The following ATP6V0A1 variants were observed in gnomAD, a reference collection of about 807,000 sequenced individuals.
The protein encoded by ATP6V0A1 is ATPase H+ transporting V0 subunit a1.
A neutral mutation model predicts 105.4 loss-of-function variants in ATP6V0A1; 43 were observed. The ratio of observed to expected loss-of-function variants is 0.41; its 90% CI spans 0.32 to 0.53. ATP6V0A1 has a LOEUF of 0.53. Among genes scored for constraint, ATP6V0A1 ranks in the 20% least tolerant of loss-of-function variants. ATP6V0A1 has a pLI of 0.30. For missense variants in ATP6V0A1, 676 were observed against 1,051.1 expected, an observed-to-expected ratio of 0.64 and a Z score of 4.93; for synonymous variants, 362 against 372.8, an observed-to-expected ratio of 0.97 and a Z score of 0.33.
intron 3 of ATP6V0A1, among the ~76,000 whole-genome samples, chr17:42,466,885 C>A (rs757341190): frequency 8.2e-4 from 125 of 152,298 alleles, no homozygotes; most frequent in South Asian, 1.4e-3. Context: ...CGGTGGCTCA[C>A]ACCTGTAATC....
chr17:42,512,521 C>T (rs2092395543), intron 19 of ATP6V0A1, among the ~76,000 whole-genome samples: 2 of 152,134 alleles, frequency 1.3e-5, no homozygotes, highest in Admixed American at 1.3e-4. Flanking sequence ...CTAGGATTAC[C>T]CTAGTTTTCA....
At chr17:42,517,920 A>G (rs2092695846) in intron 21 of ATP6V0A1, 1 of 152,268 alleles carries the variant, frequency 6.6e-6, no homozygotes, top group African/African-American at 2.4e-5. Flanking sequence ...TCGATAACAT[A>G]TAAACCACTA....
Position 42,460,828 on chromosome 17 carries a change from T to A in ATP6V0A1, c.-47-20T>A. ...CCTCGTGGTAATTTCCAAAGTTATG[T>A]CATTTTCTCTTTGCTTCAGGTTGGA... is the stretch of plus-strand genomic sequence containing the variant. On this transcript the variant is annotated intron_variant, in intron 1 of 21. Coordinates refer to ENST00000343619, the MANE Select transcript of ATP6V0A1 (RefSeq NM_001130021.3). 1 of 1,328,562 alleles carries A rather than the reference T, an allele frequency of 7.5e-7. No individual in the cohort carries two copies. The highest frequency in any genetic ancestry group is 1.1e-6 in the Non-Finnish European group (1 of 924,272). The allele number at this position is 1,328,562 out of a possible 1,614,324, so 82.3% of individuals were successfully genotyped here.
chr17:42,481,789 C>G (rs1278589042), intron 8 of ATP6V0A1, among the ~76,000 whole-genome samples: 2 of 152,206 alleles, frequency 1.3e-5, no homozygotes, highest in African/African-American at 2.4e-5. Flanking sequence ...GACAGTGAGT[C>G]TCCATACTTA....
chr17:42,470,338 C>G (rs1036669068), intron 5 of ATP6V0A1, 120 bp downstream of exon 5: 2 of 1,244,716 alleles, frequency 1.6e-6, no homozygotes, highest in African/African-American at 1.5e-5. Flanking sequence ...CATTTTTGCA[C>G]CCTGTTTTAG....
At chr17:42,508,476 A>C (rs1313071348) in intron 18 of ATP6V0A1, 96 bp from the exon 19 acceptor site, 9 of 1,510,982 alleles carry the variant, frequency 6.0e-6, no homozygotes, top group Non-Finnish European at 8.3e-6. Flanking sequence ...TAACATGAAC[A>C]GTCCTCCCCA....
At chr17:42,493,860 G>C (rs1042063814) in intron 11 of ATP6V0A1, among the ~76,000 whole-genome samples, 11 of 152,164 alleles carry the variant, frequency 7.2e-5, no homozygotes, top group Non-Finnish European at 1.6e-4. Flanking sequence ...TAGCTACTTT[G>C]TGAAGATGTG....
chr17:42,480,435 T>A, intron 7 of ATP6V0A1: 1 of 403,598 alleles, frequency 2.5e-6, no homozygotes, highest in East Asian at 4.7e-5. Context: ...TTCAAGCTCC[T>A]GGTTGAGTCA....
intron 5 of ATP6V0A1, among the ~76,000 whole-genome samples, chr17:42,475,335 A>G (rs1433593333): frequency 6.6e-6 from 1 of 152,224 alleles, no homozygotes; most frequent in African/African-American, 2.4e-5. Flanking sequence ...CGTGGTTTTC[A>G]GTATCTGAAT....
In ATP6V0A1 at chr17:42,514,369, T is replaced by A. The variant is rs144220352; in HGVS notation, c.2329T>A (p.Phe777Ile). ...KSLAGGLVLF[F>I]FFTAFATLTV... Reference sequence around the variant, plus strand: ...CTTGGCGGGAGGTTTGGTGCTGTTCTTCTTCTTCACTGCCTTTGCCACCCT... The same window carrying A: ...CTTGGCGGGAGGTTTGGTGCTGTTCATCTTCTTCACTGCCTTTGCCACCCT... The change falls in exon 21 of 22, where the codon TTC becomes ATC. Residue 777 changes from phenylalanine (F) to isoleucine (I), a missense_variant. Physicochemically the swap from Phe to Ile is conservative, Grantham distance 21. Transcript: ENST00000343619. 4.3e-6 allele frequency: 7 copies of A among 1,613,898 alleles called. No individual in the cohort carries two copies. Among genetic ancestry groups the A allele is most frequent in the African/African-American group, 1.3e-5 (1 of 75,042 alleles).
chr17:42,512,180 G>A (rs1320067015), intron 19 of ATP6V0A1, among the ~76,000 whole-genome samples: 1 of 152,200 alleles, frequency 6.6e-6, no homozygotes, highest in African/African-American at 2.4e-5. Context: ...TAAGTGCTGA[G>A]CTGGATTTCT....
chr17:42,514,064 T>C (rs954058893), intron 20 of ATP6V0A1, 86 bp downstream of exon 20: 1 of 1,441,560 alleles, frequency 6.9e-7, no homozygotes, highest in Non-Finnish European at 9.7e-7. Flanking sequence ...CAAATGGAAA[T>C]TACATGAAGG....
chr17:42,517,172 C>T (rs749188294), intron 21 of ATP6V0A1, among the ~76,000 whole-genome samples: 1 of 152,018 alleles, frequency 6.6e-6, no homozygotes, highest in Admixed American at 6.6e-5. Context: ...CCCAGCTACT[C>T]GGGAGGCTGA....
intron 17 of ATP6V0A1, 134 bp downstream of exon 17, chr17:42,501,438 G>A (rs1429805395): frequency 8.3e-6 from 6 of 724,302 alleles, no homozygotes; most frequent in African/African-American, 1.8e-5. Context: ...TTTTTGAGAC[G>A]GAGTCTCGCT....
At chr17:42,484,637 A>G (rs1264419762) in intron 9 of ATP6V0A1, among the ~76,000 whole-genome samples, 1 of 152,140 alleles carries the variant, frequency 6.6e-6, no homozygotes, top group Non-Finnish European at 1.5e-5. Flanking sequence ...CGGTTATCAC[A>G]GGGCTCTGAG....
chr17:42,473,587 T>C (rs2088294690), intron 5 of ATP6V0A1, among the ~76,000 whole-genome samples: 1 of 152,222 alleles, frequency 6.6e-6, no homozygotes, highest in Non-Finnish European at 1.5e-5. Flanking sequence ...TATTTGGAGC[T>C]TAATTCTTTT....
intron 10 of ATP6V0A1, among the ~76,000 whole-genome samples, chr17:42,488,462 G>A (rs1175615274): frequency 6.6e-6 from 1 of 152,126 alleles, no homozygotes; most frequent in Non-Finnish European, 1.5e-5. Flanking sequence ...CAGTTTGGGT[G>A]GTTTTTTACA....
intron 19 of ATP6V0A1, among the ~76,000 whole-genome samples, chr17:42,509,350 T>G (rs1453292710): frequency 6.6e-6 from 1 of 152,324 alleles, no homozygotes; most frequent in South Asian, 2.1e-4. Context: ...ACTGGGTTTT[T>G]AAAACACCTT....
At chr17:42,502,845 C>G (rs551121033) in intron 17 of ATP6V0A1, 1 of 152,662 alleles carries the variant, frequency 6.6e-6, no homozygotes, top group Non-Finnish European at 1.5e-5. Context: ...CCAACAGGGA[C>G]TAGAGGCAGC....
Sources: gnomAD v4.1 joint callset for allele counts (sites outside exome capture counted in the v4.1 genomes callset) on GRCh38, gnomAD v4.1.1 for gene constraint, MANE v1.5 for transcripts, NCBI Gene and HGNC (gene_info 2026-07-23, HGNC 2026-07-21) for gene names.